LOXHD1: variants seen among roughly 807,000 people sequenced by gnomAD.
LOXHD1 encodes lipoxygenase homology domain-containing protein 1.
LOXHD1 carries 205 observed loss-of-function variants against 248.2 expected under a neutral mutation model. That is an observed-to-expected ratio of 0.83 (90% CI 0.74 to 0.93). LOXHD1 has a LOEUF of 0.93. LOXHD1 is among the 40% of genes least tolerant of loss of function. LOXHD1 has a pLI of 0.00. For missense variants in LOXHD1, 2,930 were observed against 2,971.6 expected (o/e 0.99, Z 0.33); for synonymous variants, 1,113 against 1,162.8 (o/e 0.96, Z 0.87).
intron 1 of LOXHD1, among the ~76,000 whole-genome samples, chr18:46,654,466 G>C (rs1000043133): frequency 7.9e-5 from 12 of 152,220 alleles, no homozygotes; most frequent in African/African-American, 2.9e-4. Context: ...GTTCTGGAAT[G>C]AGTTATTCTT....
intron 8 of LOXHD1, among the ~76,000 whole-genome samples, chr18:46,594,709 T>C (rs1428743862): frequency 1.3e-5 from 2 of 152,238 alleles, no homozygotes; most frequent in East Asian, 3.9e-4. Flanking sequence ...TTTTCCTCTA[T>C]ACACAACACT....
intron 18 of LOXHD1, among the ~76,000 whole-genome samples, chr18:46,562,545 T>A (rs187928472): frequency 6.6e-6 from 1 of 152,282 alleles, no homozygotes; most frequent in East Asian, 1.9e-4. Context: ...GAAACAGCCA[T>A]AAAATTCCAA....
rs183096825 is a variant in LOXHD1 at position 46,561,365 on chromosome 18, T to C, written c.2599-820A>G. On this transcript the variant is annotated intron_variant, in intron 18 of 40. Transcript: ENST00000642948. ...CCAAAGGGCAGTGTTGATGGCATCA[T>C]CGACTCTAGATCATGAGACCTGAGC... Among the ~76,000 whole-genome samples the C allele has an allele frequency of 1.1e-3, 172 of 152,312 alleles. 1 individual carries two copies. Among genetic ancestry groups the C allele is most frequent in the African/African-American group, 3.6e-3 (151 of 41,562 alleles).
Position 46,610,813 on chromosome 18 carries a change from T to C in LOXHD1, c.722A>G (p.Asn241Ser), listed in dbSNP as rs191697915. Residue 241 changes from asparagine to serine, a missense_variant, in exon 6 of 41, where the codon AAC (asparagine) becomes AGC (serine). Coordinates refer to ENST00000642948, the MANE Select transcript of LOXHD1 (RefSeq NM_001384474.1). ...CCAACCTGCAGAGCCCCCCTTATTGTTGTGGCCAACATTGATCTTCATCAG... is the reference window on the plus strand; with the variant it reads ...CCAACCTGCAGAGCCCCCCTTATTGCTGTGGCCAACATTGATCTTCATCAG... The part of the protein sequence containing the change: ...GQLMKINVGH[N>S]NKGGSAGWFL... 645 of 1,551,698 alleles carry C rather than the reference T, an allele frequency of 4.2e-4. 1 individual carries two copies. The highest frequency in any genetic ancestry group is 1.8e-3 in the Admixed American group (92 of 51,010).
intron 35 of LOXHD1, among the ~76,000 whole-genome samples, chr18:46,508,047 G>A (rs1456619828): frequency 1.3e-5 from 2 of 152,188 alleles, no homozygotes; most frequent in Non-Finnish European, 2.9e-5. Context: ...GACCAACCGA[G>A]CCCCTGTCAG....
intron 25 of LOXHD1, among the ~76,000 whole-genome samples, chr18:46,539,906 T>C (rs561376592): frequency 6.6e-6 from 1 of 152,350 alleles, no homozygotes; most frequent in African/African-American, 2.4e-5. Flanking sequence ...AGCTTCCTTC[T>C]CTCTTGTGGC....
chr18:46,576,775 G>A (rs1386703525), intron 14 of LOXHD1, among the ~76,000 whole-genome samples: 2 of 152,186 alleles, frequency 1.3e-5, no homozygotes, highest in Non-Finnish European at 2.9e-5. Flanking sequence ...GGAAACTACT[G>A]GGCCTGGGTT....
intron 35 of LOXHD1, among the ~76,000 whole-genome samples, chr18:46,508,044 C>T (rs1021755254): frequency 6.6e-6 from 1 of 152,122 alleles, no homozygotes; most frequent in African/African-American, 2.4e-5. Context: ...ATGGACCAAC[C>T]GAGCCCCTGT....
At chr18:46,564,343 A>G (rs1236152500) in intron 17 of LOXHD1, among the ~76,000 whole-genome samples, 1 of 152,080 alleles carries the variant, frequency 6.6e-6, no homozygotes, top group Non-Finnish European at 1.5e-5. Flanking sequence ...GGGCAACACA[A>G]CAAGATCCCC....
chr18:46,497,037 A>G (rs2033917417), intron 37 of LOXHD1, among the ~76,000 whole-genome samples: 1 of 152,186 alleles, frequency 6.6e-6, no homozygotes, highest in African/African-American at 2.4e-5. Context: ...AAGGATACAG[A>G]AATCTTCCTT....
chr18:46,605,773 GGAA>G (rs901273542), intron 6 of LOXHD1, among the ~76,000 whole-genome samples: 1 of 152,138 alleles, frequency 6.6e-6, no homozygotes, highest in African/African-American at 2.4e-5. Context: ...AGTGGGAGGA[GGAA>G]GAAGAGAGGA....
rs1230147513 is a variant in LOXHD1, at chr18:46,546,997, C to T, written c.3412G>A (p.Glu1138Lys). 4 of 1,551,666 alleles carry T rather than the reference C, an allele frequency of 2.6e-6. No homozygotes were observed. Among genetic ancestry groups the T allele is most frequent in the African/African-American group, 1.4e-5 (1 of 73,058 alleles). Residue 1138 changes from glutamate to lysine, a missense_variant, in exon 22 of 41, where the codon GAG becomes AAG. Physicochemically the swap from Glu to Lys is moderately conservative, Grantham distance 56 (BLOSUM62 1). Coordinates refer to ENST00000642948, the MANE Select transcript of LOXHD1 (RefSeq NM_001384474.1). ...VEEDDGQLSR[E>K]LLPVDESYVL... ...TAGGACTCATCCACTGGCAACAGCT[C>T]CCTGGACAGCTGGCCATCATCTTCC...
intron 37 of LOXHD1, among the ~76,000 whole-genome samples, chr18:46,495,908 T>C (rs1261625473): frequency 6.6e-6 from 1 of 152,162 alleles, no homozygotes; most frequent in African/African-American, 2.4e-5. Context: ...GCTGCACACC[T>C]GTAATCCCAG....
At position 46,525,028 on chromosome 18, in the gene LOXHD1, C is replaced by A. The variant is rs974166283; in HGVS notation, c.4531-111G>T. The A allele has an allele frequency of 3.5e-5, 44 of 1,267,878 alleles. 1 individual carries two copies. The South Asian group carries it at 5.0e-4, about 14-fold the overall frequency. The allele number at this position is 1,267,878 out of a possible 1,614,324, so 78.5% of individuals were successfully genotyped here. ...CCCCTCAGTTGCTGCACTGAACAGA[C>A]CTTCTTTGCTGGGGAGCCCTCCAGG... On this transcript the variant is annotated intron_variant, in intron 29 of 40. Transcript: ENST00000642948.
intron 14 of LOXHD1, among the ~76,000 whole-genome samples, chr18:46,575,560 A>T (rs942816398): frequency 6.6e-6 from 1 of 152,268 alleles, no homozygotes; most frequent in East Asian, 1.9e-4. Context: ...TATATAGAGG[A>T]AGATGCTGTG....
intron 12 of LOXHD1, among the ~76,000 whole-genome samples, chr18:46,588,633 G>T (rs777737283): frequency 6.6e-6 from 1 of 152,096 alleles, no homozygotes; most frequent in Non-Finnish European, 1.5e-5. Context: ...CAACTTTCTG[G>T]ACAGGAAGCT....
At chr18:46,499,592 A>G (rs2034096038) in intron 37 of LOXHD1, among the ~76,000 whole-genome samples, 1 of 152,216 alleles carries the variant, frequency 6.6e-6, no homozygotes, top group African/African-American at 2.4e-5. Context: ...ACAATTCCAC[A>G]TTACAAAAAG....
intron 7 of LOXHD1, chr18:46,601,735 A>C: frequency 2.2e-6 from 1 of 451,024 alleles, no homozygotes; most frequent in Non-Finnish European, 4.1e-6. Context: ...GATTAGAGGA[A>C]ACTAACAAAG....
chr18:46,644,998 C>G (rs113858235), intron 2 of LOXHD1, among the ~76,000 whole-genome samples: 1,904 of 152,270 alleles, frequency 0.013, 31 homozygotes, highest in African/African-American at 0.044. Context: ...GAGATGGACA[C>G]CAATCTCTTT....
Sources: allele counts gnomAD v4.1 joint callset (sites outside exome capture counted in the v4.1 genomes callset), GRCh38; gene constraint gnomAD v4.1.1; transcripts MANE v1.5; gene names NCBI Gene and HGNC (gene_info 2026-07-23, HGNC 2026-07-21).